PDXDC1: variants seen among roughly 807,000 people sequenced by gnomAD.
The protein encoded by PDXDC1 is pyridoxal-dependent decarboxylase domain-containing protein 1.
PDXDC1 carries 42 observed loss-of-function variants against 100.1 expected under a neutral mutation model. The ratio of observed to expected loss-of-function variants is 0.42; its 90% CI spans 0.33 to 0.54. The LOEUF is 0.54. Among genes scored for constraint, PDXDC1 ranks in the 20% least tolerant of loss-of-function variants. The pLI, the probability that PDXDC1 is intolerant of heterozygous loss-of-function variation, is 0.10. For missense variants in PDXDC1, 636 were observed against 979.2 expected, an observed-to-expected ratio of 0.65 and a Z score of 4.68; for synonymous variants, 260 against 371.7, an observed-to-expected ratio of 0.70 and a Z score of 3.46.
intron 16 of PDXDC1, chr16:15,108,236 C>G (rs1201897580): frequency 1.2e-6 from 1 of 852,470 alleles, no homozygotes; most frequent in Admixed American, 6.3e-5. Flanking sequence ...TGCCCTCACA[C>G]CACTTGATTC....
intron 1 of PDXDC1, chr16:14,988,637 C>G: frequency 6.2e-7 from 1 of 1,613,954 alleles, no homozygotes; most frequent in Non-Finnish European, 8.5e-7. Context: ...ACTCCACGGA[C>G]TCGTGTAGGT....
the PDXDC1 span, among the ~76,000 whole-genome samples, chr16:15,151,978 CG>C: frequency 1.0e-5 from 1 of 96,856 alleles, no homozygotes; most frequent in African/African-American, 3.8e-5. Context: ...GGGGAAGGGT[CG>C]GGGCAGGGAG....
intron 16 of PDXDC1, chr16:15,125,565 C>T (rs952824778): frequency 5.8e-6 from 9 of 1,552,950 alleles, no homozygotes; most frequent in African/African-American, 1.4e-5. Flanking sequence ...TAGAATCATC[C>T]AGAAACAAGT....
chr16:15,037,950 AGGATCCAGATCT>A lies in PDXDC1; in HGVS notation c.*1680_*1691del. On this transcript the variant is annotated 3_prime_UTR_variant, in exon 23 of 23. Transcript: ENST00000396410. ...AGGAGGCCTAAGACCCAACAGATGTAGGATCCAGATCTGGATTCGTGCCAGCCCCACCAATGG... is the reference window on the plus strand; with the variant it reads ...AGGAGGCCTAAGACCCAACAGATGTAGGATTCGTGCCAGCCCCACCAATGG... 1 of 974,604 alleles carries A rather than the reference AGGATCCAGATCT, an allele frequency of 1.0e-6. No individual in the cohort carries two copies. The highest frequency in any genetic ancestry group is 1.6e-6 in the Non-Finnish European group (1 of 632,806). The allele number at this position is 974,604 out of a possible 1,614,324, so 60.4% of individuals were successfully genotyped here.
chr16:15,127,385 C>T (rs1226326562), intron 16 of PDXDC1: 4 of 1,052,782 alleles, frequency 3.8e-6, no homozygotes, highest in African/African-American at 1.6e-5. Flanking sequence ...CCTCTGGCTG[C>T]AGCACTGGAA....
chr16:15,151,424 CAAAAAA>C, the PDXDC1 span, among the ~76,000 whole-genome samples: 2 of 14,434 alleles, frequency 1.4e-4, no homozygotes, highest in African/African-American at 4.2e-4. Context: ...GACTCCGTCT[CAAAAAA>C]AAAAAAAAAA....
chr16:15,144,134 C>A (rs1173608086), downstream of PDXDC1, among the ~76,000 whole-genome samples: 6 of 152,156 alleles, frequency 3.9e-5, no homozygotes, highest in African/African-American at 1.4e-4. Flanking sequence ...CAAGAGGACC[C>A]CCAGGCCCGT....
chr16:15,023,549 C>T (rs1476497664), intron 13 of PDXDC1, among the ~76,000 whole-genome samples: 1 of 152,276 alleles, frequency 6.6e-6, no homozygotes, highest in African/African-American at 2.4e-5. Flanking sequence ...GTCCCAGCTA[C>T]TGGGGAGGCT....
chr16:14,993,104 T>G (rs1971207374), intron 1 of PDXDC1, among the ~76,000 whole-genome samples: 1 of 152,258 alleles, frequency 6.6e-6, no homozygotes, highest in Non-Finnish European at 1.5e-5. Flanking sequence ...AGAATTTTTT[T>G]TTTCTTTTCA....
intron 16 of PDXDC1, among the ~76,000 whole-genome samples, chr16:15,046,580 T>C (rs1041800082): frequency 1.7e-4 from 25 of 151,016 alleles, no homozygotes; most frequent in African/African-American, 6.1e-4. Flanking sequence ...TATCCAGCAA[T>C]CCTTGGGGAA....
chr16:14,977,565 A>G, intron 1 of PDXDC1, among the ~76,000 whole-genome samples: 1 of 152,288 alleles, frequency 6.6e-6, no homozygotes. Flanking sequence ...GGCGTAAGCC[A>G]CTGCACCTGG....
intron 11 of PDXDC1, 91 bp downstream of exon 11, chr16:15,017,513 G>GA: frequency 2.5e-6 from 2 of 814,088 alleles, no homozygotes; most frequent in Non-Finnish European, 4.0e-6. Flanking sequence ...AGGAAAAAGT[G>GA]AAAAATACCC....
At chr16:15,027,313 G>A (rs1283620542) in intron 14 of PDXDC1, among the ~76,000 whole-genome samples, 4 of 152,278 alleles carry the variant, frequency 2.6e-5, no homozygotes, top group East Asian at 1.9e-4. Flanking sequence ...GCATACAGAC[G>A]GGCAGGCTGT....
rs572059660 is a variant in PDXDC1 at position 15,079,860 on chromosome 16, G to C, written c.1399+49804G>C. On this transcript the variant is annotated intron_variant, in intron 16 of 16. Coordinates refer to the PDXDC1 transcript ENST00000535621. The stretch of plus-strand genomic sequence containing the variant: ...GATCTGCCTGCCTCGGCCTCCCAAA[G>C]TGCTGGGAATACAGGCGTGAGTCAC... 5.1e-6 allele frequency: 5 copies of C among 984,792 alleles called. No individual in the cohort carries two copies. In the African/African-American group the frequency reaches 8.5e-5, roughly 17 times the overall value. The allele number at this position is 984,792 out of a possible 1,614,324, so 61.0% of individuals were successfully genotyped here. A position where few individuals can be genotyped will look rare whatever the true frequency, so the allele number is the denominator to read the frequency against.
At chr16:15,124,007 C>A (rs1400740642) in intron 16 of PDXDC1, among the ~76,000 whole-genome samples, 2 of 151,994 alleles carry the variant, frequency 1.3e-5, no homozygotes, top group Non-Finnish European at 2.9e-5. Flanking sequence ...TGTGTGTGGA[C>A]TTTAAATTCT....
At chr16:15,041,805 A>AC (rs2043827807), downstream of PDXDC1, 4 of 719,192 alleles carry the variant, frequency 5.6e-6, no homozygotes, top group East Asian at 1.1e-4. Context: ...GCCCGCGCCC[A>AC]CACTGCCACA....
At chr16:15,141,724 C>T (rs1239696658), downstream of PDXDC1, among the ~76,000 whole-genome samples, 3 of 152,208 alleles carry the variant, frequency 2.0e-5, no homozygotes, top group African/African-American at 4.8e-5. Context: ...CCCACAGCCA[C>T]GCTGCTAGGC....
chr16:14,984,476 CATATATAT>C (rs749990542), intron 1 of PDXDC1, among the ~76,000 whole-genome samples: 1 of 92,698 alleles, frequency 1.1e-5, no homozygotes, highest in East Asian at 6.2e-4. Context: ...TGTGTGTATA[CATATATAT>C]ATATATATAT....
At chr16:15,053,302 T>C (rs928417406) in intron 16 of PDXDC1, among the ~76,000 whole-genome samples, 3 of 152,126 alleles carry the variant, frequency 2.0e-5, no homozygotes, top group Admixed American at 6.5e-5. Context: ...ATCTGTAAAA[T>C]GGGAATAGCA....
Sources: gnomAD v4.1 joint callset for allele counts (sites outside exome capture counted in the v4.1 genomes callset) on GRCh38, gnomAD v4.1.1 for gene constraint, MANE v1.5 for transcripts, NCBI Gene and HGNC (gene_info 2026-07-23, HGNC 2026-07-21) for gene names.